RPH3AL: variants seen among roughly 807,000 people sequenced by gnomAD.
The protein encoded by RPH3AL is rabphilin 3A like (without C2 domains), also known as rab effector Noc2.
A neutral mutation model predicts 43.1 loss-of-function variants in RPH3AL; 38 were observed. That is an observed-to-expected ratio of 0.88 (90% CI 0.68 to 1.15). The LOEUF (loss-of-function observed/expected upper bound fraction) is 1.15. RPH3AL is among the 50% of genes most tolerant of loss of function. RPH3AL has a pLI of 0.00. For synonymous variants in RPH3AL, 189 were observed against 176.3 expected, an observed-to-expected ratio of 1.07 and a Z score of -0.57; for missense variants, 462 against 423.2, an observed-to-expected ratio of 1.09 and a Z score of -0.81.
chr17:321,733 T>A, intron 3 of RPH3AL: 2 of 323,042 alleles, frequency 6.2e-6, no homozygotes, highest in Non-Finnish European at 1.1e-5. Flanking sequence ...AGGTGCCGTG[T>A]GCAGGGGGCA....
At chr17:232,337 C>T (rs1263115745) in intron 7 of RPH3AL, among the ~76,000 whole-genome samples, 1 of 152,232 alleles carries the variant, frequency 6.6e-6, no homozygotes, top group Non-Finnish European at 1.5e-5. Flanking sequence ...ACGCACAGCG[C>T]CCAGGACAGC....
intron 5 of RPH3AL, among the ~76,000 whole-genome samples, chr17:315,541 T>G (rs888609328): frequency 0.012 from 1,769 of 146,896 alleles, no homozygotes; most frequent in African/African-American, 0.039. Context: ...TGCTCCCACC[T>G]CCATTGACCT....
chr17:312,445 C>T (rs571237708), intron 5 of RPH3AL, among the ~76,000 whole-genome samples: 1 of 152,192 alleles, frequency 6.6e-6, no homozygotes, highest in South Asian at 2.1e-4. Flanking sequence ...CTCAGAATTT[C>T]GTGCCTCCAA....
chr17:319,309 C>T, intron 5 of RPH3AL, 111 bp downstream of exon 5: 2 of 1,311,416 alleles, frequency 1.5e-6, no homozygotes, highest in South Asian at 1.4e-5. Context: ...GAGGATACCA[C>T]ATGCCCAACG....
In RPH3AL at chr17:237,539, C is replaced by T. The variant is rs115932107; in HGVS notation, c.613+9572G>A. On this transcript the variant is annotated intron_variant, in intron 7 of 9. Transcript: ENST00000331302. ...AGGGAAAAGGAATTTGCCTCCCAGC[C>T]GGAGCTGCCTGTGTCCCAGCCTGGG... Among the ~76,000 whole-genome samples, 623 of 152,324 alleles carry T rather than the reference C, an allele frequency of 4.1e-3. 4 individuals are homozygous for T. Among genetic ancestry groups the T allele is most frequent in the African/African-American group, 0.014 (594 of 41,570 alleles).
intron 7 of RPH3AL, among the ~76,000 whole-genome samples, chr17:232,745 G>A (rs1380662399): frequency 6.6e-6 from 1 of 151,992 alleles, no homozygotes. Context: ...TGGCTTCCAA[G>A]GTGCCACACA....
Position 258,757 on chromosome 17 carries a change from G to T in RPH3AL, c.439-11472C>A, listed in dbSNP as rs376126140. ...TCAGCCATTTTGGGATAGTCAACCC[G>T]TTTTTTTTTTTTTTTTTTTTTGAGA... is the stretch of plus-strand genomic sequence containing the variant. On this transcript the variant is annotated intron_variant, in intron 6 of 9. Coordinates refer to ENST00000331302, the MANE Select transcript of RPH3AL (RefSeq NM_006987.4). Among the ~76,000 whole-genome samples, 10 of 98,742 alleles carry T rather than the reference G, an allele frequency of 1.0e-4. 2 individuals are homozygous for T. Among genetic ancestry groups the T allele is most frequent in the East Asian group, 5.5e-4 (2 of 3,638 alleles). The allele number at this position is 98,742 out of a possible 152,430, so 64.8% of individuals were successfully genotyped here. A position where few individuals can be genotyped will look rare whatever the true frequency, so the allele number is the denominator to read the frequency against.
In RPH3AL at chr17:243,614, ACCTTCCTCTATTGATTAC is replaced by A. The variant is rs1567578193; in HGVS notation, c.613+3479_613+3496del. Among the ~76,000 whole-genome samples, 31 of 65,958 alleles carry A rather than the reference ACCTTCCTCTATTGATTAC, an allele frequency of 4.7e-4. 1 individual carries two copies. The East Asian group carries it at 7.2e-3, about 15-fold the overall frequency. 43.3% of individuals were successfully genotyped at this position (65,958 alleles called of 152,430 possible). On this transcript the variant is annotated intron_variant, in intron 7 of 9. Coordinates refer to ENST00000331302, the MANE Select transcript of RPH3AL (RefSeq NM_006987.4). Reference sequence around the variant, plus strand: ...ATTGATTACCCTTCCTCTATTGATTACCTTCCTCTATTGATTACCCTTCCTCTATTGATTACCCTTCCT... The same window carrying A: ...ATTGATTACCCTTCCTCTATTGATTACCTTCCTCTATTGATTACCCTTCCT...
rs115183770 is a variant in RPH3AL, at chr17:249,073, G to C, written c.439-1788C>G. 4.2e-3 allele frequency among the ~76,000 whole-genome samples: 638 copies of C among 152,230 alleles called. 7 individuals carry two copies. Among genetic ancestry groups the C allele is most frequent in the African/African-American group, 0.014 (601 of 41,558 alleles). On this transcript the variant is annotated intron_variant, in intron 6 of 9. Transcript: ENST00000331302. ...GGAGAGAGCCACCGATTAGAATTCA[G>C]AGCAGCTGCTGAGTTAAGGTCCCTA...
intron 6 of RPH3AL, among the ~76,000 whole-genome samples, chr17:252,867 G>A (rs530366700): frequency 6.6e-6 from 1 of 152,312 alleles, no homozygotes; most frequent in Non-Finnish European, 1.5e-5. Flanking sequence ...GTGAGTTTTG[G>A]ATTTTGGAGC....
At chr17:258,282 G>A (rs1328946461) in intron 6 of RPH3AL, among the ~76,000 whole-genome samples, 23 of 152,274 alleles carry the variant, frequency 1.5e-4, no homozygotes, top group African/African-American at 4.6e-4. Context: ...CCTAGCACAC[G>A]CCTCACACAT....
rs548464893 is a variant in RPH3AL, at chr17:345,493, G to A, written c.-213+7219C>T. 2.3e-4 allele frequency among the ~76,000 whole-genome samples: 31 copies of A among 134,744 alleles called. 4 individuals carry two copies. The highest frequency in any genetic ancestry group is 1.9e-3 in the Admixed American group (27 of 14,016). The allele number at this position is 134,744 out of a possible 152,430, so 88.4% of individuals were successfully genotyped here. On this transcript the variant is annotated intron_variant, in intron 1 of 9. Coordinates refer to ENST00000331302, the MANE Select transcript of RPH3AL (RefSeq NM_006987.4). ...AAGGGGGAATCCCTGGGGTTTCTAC[G>A]CCTGTATAGCCAGGCTTGGAGAAAC...
intron 5 of RPH3AL, among the ~76,000 whole-genome samples, chr17:304,106 G>A (rs1196819109): frequency 2.0e-4 from 1 of 5,026 alleles, no homozygotes; most frequent in African/African-American, 2.9e-4. Flanking sequence ...GGGAGGGAGG[G>A]AGGCTGTACT....
At chr17:337,103 C>T (rs771196181) in intron 1 of RPH3AL, among the ~76,000 whole-genome samples, 1 of 145,748 alleles carries the variant, frequency 6.9e-6, no homozygotes, top group Non-Finnish European at 1.5e-5. Context: ...GAACTACGTA[C>T]ATCGGTTACG....
Position 323,943 on chromosome 17 carries a change from C to T in RPH3AL, c.78-2528G>A, listed in dbSNP as rs925084746. Among the ~76,000 whole-genome samples, 11 of 151,030 alleles carry T rather than the reference C, an allele frequency of 7.3e-5. No individual in the cohort carries two copies. Among genetic ancestry groups the T allele is most frequent in the African/African-American group, 2.2e-4 (9 of 41,066 alleles). On this transcript the variant is annotated intron_variant, in intron 3 of 9. Transcript: ENST00000331302. The surrounding 1 kb of genome is among the most constrained non-coding windows in gnomAD (Gnocchi z 4.4). Reference sequence around the variant, plus strand: ...GGTGGGCCCAGACCCTCAGTCACCCCGAGAGGCAGGCCTGGACCCTCACAG... The same window carrying T: ...GGTGGGCCCAGACCCTCAGTCACCCTGAGAGGCAGGCCTGGACCCTCACAG...
intron 6 of RPH3AL, among the ~76,000 whole-genome samples, chr17:253,787 T>C (rs1555543647): frequency 2.0e-5 from 2 of 98,232 alleles, no homozygotes; most frequent in African/African-American, 7.3e-5. Flanking sequence ...GCACGGCGTC[T>C]GTCCTTTTCC....
intron 6 of RPH3AL, among the ~76,000 whole-genome samples, chr17:249,726 G>C (rs2041842735): frequency 6.6e-6 from 1 of 152,030 alleles, no homozygotes; most frequent in South Asian, 2.1e-4. Context: ...AAAGCACTAG[G>C]TTAAACCAAG....
At chr17:301,226 C>T (rs555332578) in intron 5 of RPH3AL, among the ~76,000 whole-genome samples, 3 of 152,248 alleles carry the variant, frequency 2.0e-5, no homozygotes, top group South Asian at 2.1e-4. Flanking sequence ...GAAAGTGGGA[C>T]GAGACATCAC....
At chr17:223,748 C>G (rs35147412) in intron 7 of RPH3AL, among the ~76,000 whole-genome samples, 15,546 of 152,272 alleles carry the variant, frequency 0.1, 972 homozygotes, top group Non-Finnish European at 0.14. Flanking sequence ...TCTGGAAAAG[C>G]CTTCATGGCT....
Sources: allele counts gnomAD v4.1 joint callset (sites outside exome capture counted in the v4.1 genomes callset), GRCh38; gene constraint gnomAD v4.1.1; non-coding constraint Gnocchi (gnomAD v3.1); transcripts MANE v1.5; gene names NCBI Gene and HGNC (gene_info 2026-07-23, HGNC 2026-07-21).